FAM83A: variants seen among roughly 807,000 people sequenced by gnomAD.
The protein encoded by FAM83A is scaffolding CK1 anchoring protein A, also known as protein FAM83A.
A neutral mutation model predicts 24.4 loss-of-function variants in FAM83A; 21 were observed. The ratio of observed to expected loss-of-function variants is 0.86; its 90% CI spans 0.61 to 1.24. FAM83A has a LOEUF of 1.24. Ranked by LOEUF, FAM83A falls within the 50% of genes most tolerant of loss-of-function variation. The pLI, the probability that FAM83A is intolerant of heterozygous loss-of-function variation, is 0.00. For synonymous variants in FAM83A, 270 were observed against 252.4 expected, an observed-to-expected ratio of 1.07 and a Z score of -0.66; for missense variants, 617 against 579.8, an observed-to-expected ratio of 1.06 and a Z score of -0.66.
exon 2 of FAM83A, chr8:123,191,871 C>A: frequency 6.2e-7 from 1 of 1,614,168 alleles, no homozygotes; most frequent in South Asian, 1.1e-5. Flanking sequence ...AGGCAGCCAA[C>A]AAGCGTGGGG....
rs772857835 is a variant in FAM83A, at chr8:123,209,541, G to C, written c.*1853G>C. On this transcript the variant is annotated 3_prime_UTR_variant, in exon 4 of 4. Coordinates refer to ENST00000690554, the Ensembl canonical transcript of FAM83A. This position sits in a 1 kb window ranked among gnomAD's most constrained non-coding sequence, Gnocchi z 4.7. ...GTTTCACAGCTGACGGCTGAGATGA[G>C]GTTAGAATGACTGGGCCCGGCTGAA... The C allele has an allele frequency of 6.2e-7, 1 of 1,614,168 alleles. No homozygotes were observed. The highest frequency in any genetic ancestry group is 8.5e-7 in the Non-Finnish European group (1 of 1,180,022).
chr8:123,186,502 C>T (rs1177300506), intron 1 of FAM83A, among the ~76,000 whole-genome samples: 1 of 152,174 alleles, frequency 6.6e-6, no homozygotes, highest in African/African-American at 2.4e-5. Flanking sequence ...CTGGAAGAAG[C>T]AGGAATTCTC....
chr8:123,196,565 G>T (rs1824162864), intron 3 of FAM83A, among the ~76,000 whole-genome samples: 2 of 151,848 alleles, frequency 1.3e-5, no homozygotes, highest in African/African-American at 2.4e-5. Flanking sequence ...CTTTTAATGG[G>T]ACTCCTTCAG....
exon 4 of FAM83A, chr8:123,207,324 C>G (rs948211098): frequency 1.2e-6 from 2 of 1,611,524 alleles, no homozygotes; most frequent in Admixed American, 1.7e-5. Flanking sequence ...GGAGCAGCCC[C>G]GGCCAATGGC....
At position 123,182,923 on chromosome 8, in the gene FAM83A, C is replaced by G. The variant is rs566480737; in HGVS notation, c.67C>G (p.Arg23Gly). ...GGAAGATGTCAAGAGCCAGTGGGTCCGGCCAGCCAGGGCTGACTTTAGTGA... is the reference window on the plus strand; with the variant it reads ...GGAAGATGTCAAGAGCCAGTGGGTCGGGCCAGCCAGGGCTGACTTTAGTGA... Residue 23 changes from arginine (R) to glycine (G), a missense_variant, in exon 1 of 4, where the codon CGG becomes GGG. Physicochemically the swap from Arg to Gly is moderately radical, Grantham distance 125 (BLOSUM62 -2). Transcript: ENST00000690554. 7.7e-5 allele frequency: 120 copies of G among 1,549,292 alleles called. No homozygotes were observed. In the Middle Eastern group the frequency reaches 1.0e-3, roughly 14 times the overall value.
At chr8:123,200,291 C>A (rs1259438532) in intron 3 of FAM83A, among the ~76,000 whole-genome samples, 1 of 152,074 alleles carries the variant, frequency 6.6e-6, no homozygotes, top group Non-Finnish European at 1.5e-5. Flanking sequence ...TCCAGAACAC[C>A]GGAGGATGGA....
At chr8:123,194,171 G>A (rs779138405) in intron 3 of FAM83A, 23 bp downstream of exon 3, 1 of 1,613,100 alleles carries the variant, frequency 6.2e-7, no homozygotes, top group Non-Finnish European at 8.5e-7. Context: ...TTCATCTCCT[G>A]TCAAGGATTC....
At chr8:123,192,288 G>A (rs78820205) in intron 2 of FAM83A, among the ~76,000 whole-genome samples, 5 of 152,100 alleles carry the variant, frequency 3.3e-5, no homozygotes, top group Non-Finnish European at 5.9e-5. Flanking sequence ...CCAGATGCAC[G>A]GATGCTGGGA....
rs191577633 is a variant in FAM83A, at chr8:123,206,338, G to A, written c.774-819G>A. Among the ~76,000 whole-genome samples the A allele has an allele frequency of 4.3e-3, 659 of 152,188 alleles. 1 individual carries two copies. Among genetic ancestry groups the A allele is most frequent in the Admixed American group, 0.011 (165 of 15,296 alleles). On this transcript the variant is annotated intron_variant, in intron 3 of 3. Coordinates refer to ENST00000690554, the Ensembl canonical transcript of FAM83A. ...CTGTCAGCGTCAACGGGAGGCGCAC[G>A]GTGCTCCTCCTCCACTCATCCCTGC...
At chr8:123,190,336 A>G (rs887985670) in intron 1 of FAM83A, among the ~76,000 whole-genome samples, 3 of 152,000 alleles carry the variant, frequency 2.0e-5, no homozygotes, top group African/African-American at 7.3e-5. Context: ...ATCTCGGCTC[A>G]CTGCAACCTC....
intron 3 of FAM83A, among the ~76,000 whole-genome samples, chr8:123,205,246 A>G (rs1423165247): frequency 6.6e-6 from 1 of 152,090 alleles, no homozygotes; most frequent in Non-Finnish European, 1.5e-5. Flanking sequence ...AGTTGCCAGG[A>G]AGTCTTTGGA....
intron 3 of FAM83A, among the ~76,000 whole-genome samples, chr8:123,199,415 T>G (rs1040478182): frequency 7.2e-5 from 11 of 152,202 alleles, no homozygotes; most frequent in African/African-American, 2.7e-4. Flanking sequence ...GACCTCACTT[T>G]CCAGTGGGTT....
At chr8:123,204,598 T>C (rs1824477740) in intron 3 of FAM83A, among the ~76,000 whole-genome samples, 1 of 150,394 alleles carries the variant, frequency 6.6e-6, no homozygotes, top group African/African-American at 2.4e-5. Flanking sequence ...CCGTCTCTAC[T>C]AAAATACAAA....
chr8:123,193,876 C>A, intron 2 of FAM83A, 148 bp from the exon 3 acceptor site: 1 of 977,748 alleles, frequency 1.0e-6, no homozygotes, highest in Non-Finnish European at 1.5e-6. Flanking sequence ...AATCTCCTCC[C>A]AAAGGCCCCA....
chr8:123,191,765 T>C, intron 1 of FAM83A, 38 bp from the exon 2 acceptor site: 1 of 1,608,174 alleles, frequency 6.2e-7, no homozygotes, highest in Non-Finnish European at 8.5e-7. Context: ...CACCTGCCCC[T>C]GACCTTTCTG....
At chr8:123,181,730 T>C, upstream of FAM83A, 1 of 257,298 alleles carries the variant, frequency 3.9e-6, no homozygotes, top group South Asian at 4.6e-5. Context: ...GAGATGTCCA[T>C]GAACCCAGAT....
chr8:123,206,095 A>G (rs1215973430), intron 3 of FAM83A, among the ~76,000 whole-genome samples: 1 of 151,510 alleles, frequency 6.6e-6, no homozygotes, highest in Non-Finnish European at 1.5e-5. Context: ...GTGGGACGAG[A>G]TCGCACCATT....
chr8:123,183,310 C>T (rs779620546), exon 1 of FAM83A: 42 of 1,612,766 alleles, frequency 2.6e-5, no homozygotes, highest in South Asian at 2.1e-4. Context: ...AGACCTCGTC[C>T]GCCGCTGCAT....
At chr8:123,206,422 G>C (rs1031250375) in intron 3 of FAM83A, among the ~76,000 whole-genome samples, 3 of 152,160 alleles carry the variant, frequency 2.0e-5, no homozygotes, top group Non-Finnish European at 4.4e-5. Flanking sequence ...TTAGATTTTC[G>C]TGAAAACACA....
Sources: gnomAD v4.1 joint callset for allele counts (sites outside exome capture counted in the v4.1 genomes callset) on GRCh38, gnomAD v4.1.1 for gene constraint, Gnocchi (gnomAD v3.1) non-coding constraint, MANE v1.5 for transcripts, NCBI Gene and HGNC (gene_info 2026-07-23, HGNC 2026-07-21) for gene names.